Variants in C16orf95 observed in about 807,000 individuals in gnomAD.
The protein encoded by C16orf95 is chromosome 16 open reading frame 95.
In C16orf95, 41 loss-of-function variants were observed where a neutral mutation model predicts 32.1. That is an observed-to-expected ratio of 1.28 (90% CI 1.00 to 1.66). The LOEUF is 1.66. Ranked by LOEUF, C16orf95 falls within the 40% of genes most tolerant of loss-of-function variation. The pLI is 0.00. For synonymous variants in C16orf95, 147 were observed against 128.9 expected (o/e 1.14, Z -0.95); for missense variants, 399 against 325.9 (o/e 1.22, Z -1.73).
intron 2 of C16orf95, 28 bp from the exon 3 acceptor site, chr16:87,315,124 T>C (rs745804206): frequency 6.5e-7 from 1 of 1,533,882 alleles, no homozygotes; most frequent in Non-Finnish European, 8.7e-7. Flanking sequence ...ATGACAGAAC[T>C]GAGCTTGATG....
intron 3 of C16orf95, among the ~76,000 whole-genome samples, chr16:87,313,212 A>AG (rs1911363401): frequency 6.7e-6 from 1 of 149,852 alleles, no homozygotes. Context: ...AAAAAGAGAA[A>AG]AGCCAAGTCT....
intron 3 of C16orf95, among the ~76,000 whole-genome samples, chr16:87,311,872 G>C (rs1307851656): frequency 6.6e-6 from 1 of 152,168 alleles, no homozygotes; most frequent in East Asian, 1.9e-4. Context: ...TTCAGTAAGA[G>C]ACAATAAATG....
chr16:87,315,068 C>T lies in C16orf95; in HGVS notation c.233G>A (p.Cys78Tyr). The T allele has an allele frequency of 3.9e-6, 6 of 1,536,138 alleles. No homozygotes were observed. The highest frequency in any genetic ancestry group is 5.2e-6 in the Non-Finnish European group (6 of 1,146,898). The change falls in exon 3 of 7, where the codon TGT (cysteine) becomes TAT (tyrosine). Residue 78 changes from cysteine to tyrosine, a missense_variant. Physicochemically the swap from Cys to Tyr is radical, Grantham distance 194 (BLOSUM62 -2). Coordinates refer to ENST00000567970, the MANE Select transcript of C16orf95 (RefSeq NM_001195124.3). ...GCCCCCGAATCTGGTCTGGCATTCA[C>T]AGCAGATGGCCCAGGGGCCAGGGTG... ...SMHPGPWAIC[C>Y]ECQTRFGGRL... is the part of the protein sequence containing the mutation.
At chr16:87,306,616 T>C (rs1275414362) in intron 5 of C16orf95, among the ~76,000 whole-genome samples, 5 of 152,130 alleles carry the variant, frequency 3.3e-5, no homozygotes, top group African/African-American at 1.2e-4. Flanking sequence ...AGATCAGAAA[T>C]GTGGACTTTC....
rs765505629 is a variant in C16orf95, at chr16:87,303,021, T to G, written c.*36A>C. On this transcript the variant is annotated 3_prime_UTR_variant, in exon 7 of 7. Coordinates refer to ENST00000567970, the MANE Select transcript of C16orf95 (RefSeq NM_001195124.3). ...AAAGATCTTGATCGTGACACATTTTTGTGGCTGTTCTTGACAGTAGCTGAA... is the reference window on the plus strand; with the variant it reads ...AAAGATCTTGATCGTGACACATTTTGGTGGCTGTTCTTGACAGTAGCTGAA... The G allele has an allele frequency of 3.3e-6, 5 of 1,534,966 alleles. No homozygotes were observed. Among genetic ancestry groups the G allele is most frequent in the Non-Finnish European group, 4.4e-6 (5 of 1,145,810 alleles).
intron 5 of C16orf95, among the ~76,000 whole-genome samples, chr16:87,309,390 T>C (rs1394532582): frequency 9.8e-6 from 1 of 101,546 alleles, no homozygotes; most frequent in Non-Finnish European, 2.3e-5. Context: ...TTTTTTTTTT[T>C]TTTTTTTTTT....
In C16orf95 at chr16:87,302,886, C is replaced by T; in HGVS notation, c.*171G>A. 2.9e-6 allele frequency: 2 copies of T among 689,100 alleles called. No homozygotes were observed. Among genetic ancestry groups the T allele is most frequent in the African/African-American group, 1.8e-5 (1 of 56,294 alleles). 42.7% of individuals were successfully genotyped at this position (689,100 alleles called of 1,614,324 possible). A position where few individuals can be genotyped will look rare whatever the true frequency, so the allele number is the denominator to read the frequency against. ...CTCACCCACATTCACATGAACTTTG[C>T]TACAACCAAGAATCACCTGATGAGA... On this transcript the variant is annotated 3_prime_UTR_variant, in exon 7 of 7. Transcript: ENST00000567970.
Position 87,315,060 on chromosome 16 carries a change from G to T in C16orf95, c.241C>A (p.Gln81Lys). ...GGCAGGCGGCCCCCGAATCTGGTCT[G>T]GCATTCACAGCAGATGGCCCAGGGG... Reference protein sequence around the residue: ...PGPWAICCECQTRFGGRLPVS... With the variant: ...PGPWAICCECKTRFGGRLPVS... Residue 81 changes from glutamine (Q) to lysine (K), a missense_variant, in exon 3 of 7, where the codon CAG (glutamine) becomes AAG (lysine). Transcript: ENST00000567970. The T allele has an allele frequency of 6.5e-7, 1 of 1,536,126 alleles. No individual in the cohort carries two copies.
chr16:87,308,130 G>A (rs1045009490), intron 5 of C16orf95, among the ~76,000 whole-genome samples: 1 of 152,158 alleles, frequency 6.6e-6, no homozygotes, highest in Non-Finnish European at 1.5e-5. Context: ...CTCTGGTGGA[G>A]CTTTCCAGAG....
At chr16:87,303,212 G>A (rs1910844581) in intron 6 of C16orf95, 137 bp from the exon 7 acceptor site, 3 of 838,002 alleles carry the variant, frequency 3.6e-6, no homozygotes, top group Non-Finnish European at 5.8e-6. Flanking sequence ...GGAATCCCAG[G>A]CAGGGAAGGG....
At chr16:87,309,352 ATTTTCT>A (rs1911169938) in intron 5 of C16orf95, among the ~76,000 whole-genome samples, 1 of 88,422 alleles carries the variant, frequency 1.1e-5, no homozygotes, top group East Asian at 3.3e-4. Context: ...TATTATATGC[ATTTTCT>A]TTTTCTTTCT....
At chr16:87,303,107 C>A in intron 6 of C16orf95, 32 bp from the exon 7 acceptor site, 2 of 1,536,006 alleles carry the variant, frequency 1.3e-6, no homozygotes, top group South Asian at 2.4e-5. Flanking sequence ...TTACTAGGAC[C>A]CGGCCCCAGG....
At chr16:87,308,617 A>G (rs989361638) in intron 5 of C16orf95, among the ~76,000 whole-genome samples, 13 of 152,200 alleles carry the variant, frequency 8.5e-5, no homozygotes, top group African/African-American at 1.4e-4. Context: ...CTCTTGTCCC[A>G]TCCACTCTTA....
chr16:87,306,896 A>G (rs1423908493), intron 5 of C16orf95, among the ~76,000 whole-genome samples: 1 of 152,238 alleles, frequency 6.6e-6, no homozygotes, highest in Admixed American at 6.5e-5. Context: ...CAGATGATGC[A>G]TGTCAACTAA....
intron 5 of C16orf95, among the ~76,000 whole-genome samples, chr16:87,306,888 G>A (rs560746105): frequency 5.3e-5 from 8 of 152,302 alleles, no homozygotes; most frequent in African/African-American, 1.7e-4. Context: ...TCAGATACCA[G>A]ATGATGCATG....
rs572384911 is a variant in C16orf95 at position 87,303,108 on chromosome 16, C to T, written c.702-33G>A. The T allele has an allele frequency of 1.1e-4, 169 of 1,535,968 alleles. 1 individual carries two copies. The highest frequency in any genetic ancestry group is 1.7e-4 in the East Asian group (7 of 40,910). Reference sequence around the variant, plus strand: ...GCAAAGAGAGACAGTTACTAGGACCCGGCCCCAGGCTGAGACCAGCTGCCC... The same window carrying T: ...GCAAAGAGAGACAGTTACTAGGACCTGGCCCCAGGCTGAGACCAGCTGCCC... On this transcript the variant is annotated intron_variant, in intron 6 of 6. Transcript: ENST00000567970.
Sources: gnomAD v4.1 joint callset for allele counts (sites outside exome capture counted in the v4.1 genomes callset) on GRCh38, gnomAD v4.1.1 for gene constraint, MANE v1.5 for transcripts, NCBI Gene and HGNC (gene_info 2026-07-23, HGNC 2026-07-21) for gene names.